SLC29A3: variants seen among roughly 807,000 people sequenced by gnomAD.
The protein encoded by SLC29A3 is equilibrative nucleoside transporter 3.
A neutral mutation model predicts 25.4 loss-of-function variants in SLC29A3; 18 were observed. The observed-to-expected ratio is 0.71, with a 90% confidence interval of 0.49 to 1.05. The LOEUF (loss-of-function observed/expected upper bound fraction) is 1.05. Ranked by LOEUF, SLC29A3 falls within the 50% of genes least tolerant of loss-of-function variation. The pLI, the probability that SLC29A3 is intolerant of heterozygous loss-of-function variation, is 0.00. For synonymous variants in SLC29A3, 258 were observed against 267.1 expected (o/e 0.97, Z 0.33); for missense variants, 586 against 609.0 (o/e 0.96, Z 0.40).
chr10:71,352,752 G>A lies in SLC29A3; in HGVS notation c.610+964G>A, dbSNP rs577974820. The A allele has an allele frequency of 4.6e-5, 7 of 152,370 alleles. No homozygotes were observed. The East Asian group carries it at 1.4e-3, about 29-fold the overall frequency. 9.4% of individuals were successfully genotyped at this position (152,370 alleles called of 1,614,324 possible). On this transcript the variant is annotated intron_variant, in intron 4 of 5. Coordinates refer to ENST00000373189, the MANE Select transcript of SLC29A3 (RefSeq NM_018344.6). ...TGCTGATGTTGATGAGCCTGTTCCG[G>A]AGGCCTTGGCACTTTTGTTCTCTAA...
Position 71,338,433 on chromosome 10 carries a change from C to G in SLC29A3, c.301-5776C>G, listed in dbSNP as rs540408045. ...AGATTAGCTAATGTATTCCTTTACTCTTGTCTACCACTGCAGAAAGAGGAG... is the reference window on the plus strand; with the variant it reads ...AGATTAGCTAATGTATTCCTTTACTGTTGTCTACCACTGCAGAAAGAGGAG... On this transcript the variant is annotated intron_variant, in intron 2 of 5. Transcript: ENST00000373189. Among the ~76,000 whole-genome samples the G allele has an allele frequency of 2.0e-5, 3 of 152,268 alleles. No homozygotes were observed. The South Asian group carries it at 6.2e-4, about 32-fold the overall frequency.
chr10:71,322,681 G>A (rs1404583620), intron 1 of SLC29A3, 75 bp from the exon 2 acceptor site: 58 of 1,566,842 alleles, frequency 3.7e-5, no homozygotes, highest in African/African-American at 5.4e-5. Flanking sequence ...TGTAGGCTGG[G>A]TGGGTCCCCA....
chr10:71,349,469 C>G (rs1354531901), intron 3 of SLC29A3, among the ~76,000 whole-genome samples: 1 of 152,106 alleles, frequency 6.6e-6, no homozygotes, highest in African/African-American at 2.4e-5. Context: ...CTTAAAGATC[C>G]TATGTGGGTC....
rs189097521 is a variant in SLC29A3, at chr10:71,343,131, C to G, written c.301-1078C>G. ...GGACTTACAGGTGCATACCACCATG[C>G]CCGACTAATTTTTTTATTTTTTGTA... On this transcript the variant is annotated intron_variant, in intron 2 of 5. Transcript: ENST00000373189. Among the ~76,000 whole-genome samples the G allele has an allele frequency of 5.4e-3, 823 of 152,316 alleles. 23 individuals carry two copies. Among genetic ancestry groups the G allele is most frequent in the South Asian group, 0.025 (121 of 4,830 alleles).
chr10:71,368,055 G>A (rs556725542), downstream of SLC29A3, among the ~76,000 whole-genome samples: 12 of 152,058 alleles, frequency 7.9e-5, no homozygotes, highest in South Asian at 4.2e-4. Context: ...AGACCCTGTC[G>A]CTACAAAAAT....
chr10:71,352,272 G>A (rs74144921), intron 4 of SLC29A3, among the ~76,000 whole-genome samples: 3,274 of 152,122 alleles, frequency 0.022, 131 homozygotes, highest in African/African-American at 0.075. Flanking sequence ...AGCCACATAG[G>A]GTCAGTTCTG....
At chr10:71,363,741 G>A (rs1005574925), downstream of SLC29A3, among the ~76,000 whole-genome samples, 1 of 151,660 alleles carries the variant, frequency 6.6e-6, no homozygotes, top group Non-Finnish European at 1.5e-5. Context: ...CCAAAGTGCT[G>A]GGATTATAGG....
chr10:71,322,160 C>G (rs1845859948), intron 1 of SLC29A3, among the ~76,000 whole-genome samples: 1 of 152,030 alleles, frequency 6.6e-6, no homozygotes, highest in African/African-American at 2.4e-5. Flanking sequence ...CAGTTTCCCT[C>G]CTTAGAGACA....
intron 2 of SLC29A3, among the ~76,000 whole-genome samples, chr10:71,335,134 T>C (rs2066209): frequency 0.12 from 18,160 of 152,120 alleles, 1,148 homozygotes; most frequent in Non-Finnish European, 0.14. Context: ...TAACCACTGC[T>C]ACCTGCTTCT....
Position 71,362,908 on chromosome 10 carries a change from A to G in SLC29A3, c.*300A>G. The G allele has an allele frequency of 5.1e-6, 3 of 584,702 alleles. No homozygotes were observed. Among genetic ancestry groups the G allele is most frequent in the Non-Finnish European group, 9.6e-6 (3 of 311,744 alleles). The allele number at this position is 584,702 out of a possible 1,614,324, so 36.2% of individuals were successfully genotyped here. ...CATTCCACCTTCTTTCTAGCCCTTC[A>G]AAGATGCTGCCAGTGTTCGCCCTAG... On this transcript the variant is annotated 3_prime_UTR_variant, in exon 6 of 6. Transcript: ENST00000373189.
chr10:71,359,500 A>G (rs1052161557), intron 5 of SLC29A3, among the ~76,000 whole-genome samples: 1 of 152,186 alleles, frequency 6.6e-6, no homozygotes, highest in African/African-American at 2.4e-5. Flanking sequence ...GGGAAGTAAG[A>G]ATATTCCTTT....
intron 3 of SLC29A3, among the ~76,000 whole-genome samples, chr10:71,349,474 T>G (rs1316657374): frequency 6.6e-6 from 1 of 152,052 alleles, no homozygotes; most frequent in Non-Finnish European, 1.5e-5. Context: ...AGATCCTATG[T>G]GGGTCACATG....
At chr10:71,355,061 G>C (rs925386909) in intron 4 of SLC29A3, among the ~76,000 whole-genome samples, 1 of 152,230 alleles carries the variant, frequency 6.6e-6, no homozygotes, top group Non-Finnish European at 1.5e-5. Flanking sequence ...CAATGCAGTC[G>C]TGGCGAGGCA....
chr10:71,371,428 G>A (rs1481591659), intron 3 of SLC29A3, among the ~76,000 whole-genome samples: 1 of 152,132 alleles, frequency 6.6e-6, no homozygotes, highest in African/African-American at 2.4e-5. Context: ...TGGAAAGAGG[G>A]ATTCATGGAA....
chr10:71,341,749 G>A (rs1409685730), intron 2 of SLC29A3, among the ~76,000 whole-genome samples: 1 of 152,204 alleles, frequency 6.6e-6, no homozygotes, highest in Non-Finnish European at 1.5e-5. Context: ...TCTCCTGCCT[G>A]AATTTGCACA....
chr10:71,351,333 T>C lies in SLC29A3; in HGVS notation c.384-229T>C, dbSNP rs114387239. On this transcript the variant is annotated intron_variant, in intron 3 of 5. Transcript: ENST00000373189. ...TCACCCCCCTGTGAGTTGAATCAAC[T>C]CTCCCCATTGTACAAGTTCAAAAGC... 3.8e-3 allele frequency among the ~76,000 whole-genome samples: 576 copies of C among 152,210 alleles called. 3 individuals are homozygous for C. Among genetic ancestry groups the C allele is most frequent in the African/African-American group, 0.013 (559 of 41,532 alleles).
chr10:71,346,223 G>T (rs981433469), intron 3 of SLC29A3, among the ~76,000 whole-genome samples: 9 of 152,226 alleles, frequency 5.9e-5, no homozygotes, highest in Non-Finnish European at 1.2e-4. Context: ...GGAACGTCCA[G>T]CCTCTGGGCT....
chr10:71,370,834 A>G (rs1053605648), intron 3 of SLC29A3, among the ~76,000 whole-genome samples: 13 of 152,206 alleles, frequency 8.5e-5, no homozygotes, highest in African/African-American at 3.1e-4. Context: ...ACATATGATA[A>G]TTTAATACAC....
intron 3 of SLC29A3, among the ~76,000 whole-genome samples, chr10:71,349,560 TTGTGGCTG>T (rs1471655429): frequency 1.3e-5 from 2 of 152,080 alleles, no homozygotes; most frequent in Admixed American, 1.3e-4. Context: ...TGCCTGTTGT[TTGTGGCTG>T]TGTGGGTGTG....
Sources: allele counts gnomAD v4.1 joint callset (sites outside exome capture counted in the v4.1 genomes callset), GRCh38; gene constraint gnomAD v4.1.1; transcripts MANE v1.5; gene names NCBI Gene and HGNC (gene_info 2026-07-23, HGNC 2026-07-21).